The following RHOJ variants were observed in gnomAD, a reference collection of about 807,000 sequenced individuals.
The protein encoded by RHOJ is ras homolog family member J, also known as rho-related GTP-binding protein RhoJ.
A neutral mutation model predicts 23.4 loss-of-function variants in RHOJ; 11 were observed. The ratio of observed to expected loss-of-function variants is 0.47; its 90% CI spans 0.30 to 0.78. The LOEUF is 0.78. RHOJ is among the 30% of genes least tolerant of loss of function. The probability of loss-of-function intolerance (pLI) is 0.08; values close to 1 mark genes in which losing one functional copy is unlikely to be tolerated. For synonymous variants in RHOJ, 102 were observed against 102.7 expected, an observed-to-expected ratio of 0.99 and a Z score of 0.04; for missense variants, 254 against 273.4, an observed-to-expected ratio of 0.93 and a Z score of 0.50.
chr14:63,289,312 G>A (rs945531173), intron 4 of RHOJ, among the ~76,000 whole-genome samples: 1 of 152,128 alleles, frequency 6.6e-6, no homozygotes, highest in Admixed American at 6.5e-5. Context: ...ACCCTAGAGG[G>A]GGCATGTGCT....
intron 1 of RHOJ, among the ~76,000 whole-genome samples, chr14:63,228,022 C>A (rs1594756521): frequency 6.6e-6 from 1 of 152,140 alleles, no homozygotes; most frequent in African/African-American, 2.4e-5. Context: ...AGAACGGCTT[C>A]CAAGAATATT....
At chr14:63,243,984 A>G (rs1456937849) in intron 1 of RHOJ, among the ~76,000 whole-genome samples, 2 of 152,222 alleles carry the variant, frequency 1.3e-5, no homozygotes, top group Non-Finnish European at 2.9e-5. Flanking sequence ...ATGACCTTCT[A>G]TAACTGACTA....
At chr14:63,251,693 G>C (rs1348782288) in intron 1 of RHOJ, among the ~76,000 whole-genome samples, 1 of 152,196 alleles carries the variant, frequency 6.6e-6, no homozygotes, top group Non-Finnish European at 1.5e-5. Context: ...CAAGGGAAAG[G>C]AGGTCCTCTC....
chr14:63,284,178 T>C (rs923778059), intron 4 of RHOJ: 2 of 965,148 alleles, frequency 2.1e-6, no homozygotes, highest in Non-Finnish European at 1.2e-6. Flanking sequence ...CAAAATTGTA[T>C]GCATTTATCT....
intron 1 of RHOJ, among the ~76,000 whole-genome samples, chr14:63,238,742 T>C (rs1894833123): frequency 6.6e-6 from 1 of 152,082 alleles, no homozygotes; most frequent in Admixed American, 6.6e-5. Context: ...CAGTAGTGCA[T>C]AGGATGGTAA....
intron 1 of RHOJ, among the ~76,000 whole-genome samples, chr14:63,243,210 T>A (rs1215554754): frequency 6.6e-6 from 1 of 152,240 alleles, no homozygotes; most frequent in Non-Finnish European, 1.5e-5. Flanking sequence ...GTATTTTTCC[T>A]CATCTGTCTT....
At chr14:63,220,022 G>C (rs1894454449) in intron 1 of RHOJ, among the ~76,000 whole-genome samples, 1 of 152,098 alleles carries the variant, frequency 6.6e-6, no homozygotes, top group Admixed American at 6.5e-5. Flanking sequence ...ATATTTTAAT[G>C]GTATATATGA....
chr14:63,264,488 A>G (rs980932836), intron 1 of RHOJ, among the ~76,000 whole-genome samples: 4 of 152,356 alleles, frequency 2.6e-5, no homozygotes, highest in East Asian at 1.9e-4. Flanking sequence ...ATACAAGTGC[A>G]TATGTCTTTT....
chr14:63,277,754 G>A (rs1275729434), intron 2 of RHOJ, among the ~76,000 whole-genome samples: 1 of 152,158 alleles, frequency 6.6e-6, no homozygotes, highest in East Asian at 1.9e-4. Flanking sequence ...GGCAGGTGGT[G>A]TGGTGAACAG....
At chr14:63,245,980 A>G (rs1257503235) in intron 1 of RHOJ, among the ~76,000 whole-genome samples, 1 of 152,188 alleles carries the variant, frequency 6.6e-6, no homozygotes, top group Non-Finnish European at 1.5e-5. Flanking sequence ...TGACCTTGTC[A>G]TAAACCCAAA....
At chr14:63,222,413 G>A (rs1212474458) in intron 1 of RHOJ, among the ~76,000 whole-genome samples, 14 of 152,132 alleles carry the variant, frequency 9.2e-5, no homozygotes, top group African/African-American at 1.2e-4. Context: ...GTCTTCCACA[G>A]TGGTTGAACT....
At chr14:63,275,477 AC>A (rs1881687384) in intron 2 of RHOJ, among the ~76,000 whole-genome samples, 1 of 152,148 alleles carries the variant, frequency 6.6e-6, no homozygotes, top group Non-Finnish European at 1.5e-5. Context: ...TCTGATGCTA[AC>A]ACTTTCTCTG....
intron 1 of RHOJ, among the ~76,000 whole-genome samples, chr14:63,225,128 T>A (rs187108340): frequency 1.2e-4 from 18 of 152,208 alleles, no homozygotes; most frequent in Admixed American, 1.2e-3. Context: ...ATTTTTTGTA[T>A]TTTTAGTAGA....
At chr14:63,287,162 A>G (rs187439977) in intron 4 of RHOJ, among the ~76,000 whole-genome samples, 1 of 152,102 alleles carries the variant, frequency 6.6e-6, no homozygotes, top group East Asian at 1.9e-4. Flanking sequence ...AGCTTTGCCC[A>G]TTTATTCATT....
intron 1 of RHOJ, among the ~76,000 whole-genome samples, chr14:63,240,811 G>A (rs574632532): frequency 3.8e-4 from 58 of 152,232 alleles, no homozygotes; most frequent in African/African-American, 1.3e-3. Flanking sequence ...GGTTTCTCAA[G>A]GAAAATTATT....
intron 1 of RHOJ, among the ~76,000 whole-genome samples, chr14:63,221,861 A>C (rs555600144): frequency 6.6e-6 from 1 of 152,154 alleles, no homozygotes; most frequent in Non-Finnish European, 1.5e-5. Context: ...TCTAGGGTAC[A>C]TGCGCACAAC....
At chr14:63,273,840 G>T (rs1323798109) in intron 2 of RHOJ, among the ~76,000 whole-genome samples, 1 of 152,208 alleles carries the variant, frequency 6.6e-6, no homozygotes, top group African/African-American at 2.4e-5. Flanking sequence ...GGTGTCAGGA[G>T]CCAGGTGCAG....
At chr14:63,253,323 C>T (rs186462054) in intron 1 of RHOJ, among the ~76,000 whole-genome samples, 200 of 152,204 alleles carry the variant, frequency 1.3e-3, no homozygotes, top group Admixed American at 2.1e-3. Context: ...GACTGCAGTG[C>T]AATGGTGCAA....
intron 4 of RHOJ, 75 bp from the exon 5 acceptor site, chr14:63,290,803 C>T: frequency 7.0e-7 from 1 of 1,437,068 alleles, no homozygotes; most frequent in Non-Finnish European, 9.4e-7. Context: ...AAGTGCTTGT[C>T]TGGGCAGTGA....
Sources: allele counts gnomAD v4.1 joint callset (sites outside exome capture counted in the v4.1 genomes callset), GRCh38; gene constraint gnomAD v4.1.1; transcripts MANE v1.5; gene names NCBI Gene and HGNC (gene_info 2026-07-23, HGNC 2026-07-21).